Variants in ACAN observed in about 807,000 individuals in gnomAD.
ACAN encodes aggrecan core protein.
Under a neutral mutation model 169.1 loss-of-function variants are expected in ACAN, and 47 were observed. The ratio of observed to expected loss-of-function variants is 0.28; its 90% confidence interval spans 0.22 to 0.35. The LOEUF (loss-of-function observed/expected upper bound fraction) is 0.35, where lower values mean the gene tolerates loss of function less well. Ranked by LOEUF, ACAN falls within the 10% of genes least tolerant of loss-of-function variation. The pLI is 1.00. For synonymous variants in ACAN, 1,115 were observed against 1,112.2 expected, an observed-to-expected ratio of 1.00 and a Z score of -0.05; for missense variants, 2,716 against 2,759.9, an observed-to-expected ratio of 0.98 and a Z score of 0.36.
rs1223951745 is a variant in ACAN, at chr15:88,874,688, C to CCAAAG, written c.*217_*221dup. On this transcript the variant is annotated 3_prime_UTR_variant, in exon 19 of 19. Transcript: ENST00000560601. This position sits in a 1 kb window ranked among gnomAD's most constrained non-coding sequence, Gnocchi z 7.3. The stretch of plus-strand genomic sequence containing the variant: ...CCGCATCTAATTTGTCCGCCGAATG[C>CCAAAG]CAAAGCAAAGCAAACTTATTATAAC... 2 of 664,328 alleles carry CCAAAG rather than the reference C, an allele frequency of 3.0e-6. No individual in the cohort carries two copies. Among genetic ancestry groups the CCAAAG allele is most frequent in the East Asian group, 2.9e-5 (1 of 34,966 alleles). The allele number at this position is 664,328 out of a possible 1,614,324, so 41.2% of individuals were successfully genotyped here.
intron 13 of ACAN, among the ~76,000 whole-genome samples, chr15:88,862,106 A>G (rs1897206125): frequency 6.6e-6 from 1 of 152,242 alleles, no homozygotes; most frequent in Non-Finnish European, 1.5e-5. Flanking sequence ...CCTCTTGAAC[A>G]TAACAACCAG....
intron 7 of ACAN, among the ~76,000 whole-genome samples, 165 bp from the exon 8 acceptor site, chr15:88,847,078 T>C (rs1896808401): frequency 6.6e-6 from 1 of 152,204 alleles, no homozygotes; most frequent in African/African-American, 2.4e-5. Context: ...GACGCTGCCA[T>C]CCACCATCAC....
At position 88,872,584 on chromosome 15, in the gene ACAN, A is replaced by T. The variant is rs553309186; in HGVS notation, c.7303-297A>T. Among the ~76,000 whole-genome samples, 6 of 152,162 alleles carry T rather than the reference A, an allele frequency of 3.9e-5. No homozygotes were observed. The East Asian group carries it at 7.7e-4, about 20-fold the overall frequency. ...GGTCAGCCCTGGTTGGCCCTTCTGG[A>T]TAAGAGGTGTGGAATCAGCTCATGT... is the stretch of plus-strand genomic sequence containing the variant. On this transcript the variant is annotated intron_variant, in intron 16 of 18. Transcript: ENST00000560601. The surrounding 1 kb of genome is among the most constrained non-coding windows in gnomAD (Gnocchi z 5.4).
At chr15:88,853,837 C>A (rs1363536076) in intron 11 of ACAN, among the ~76,000 whole-genome samples, 1 of 129,460 alleles carries the variant, frequency 7.7e-6, no homozygotes, top group Non-Finnish European at 1.6e-5. Context: ...CGGGTCCTGC[C>A]CAGCTAACTT....
At position 88,868,526 on chromosome 15, in the gene ACAN, C is replaced by G. The variant is rs1344844766; in HGVS notation, c.7060+197C>G. The stretch of plus-strand genomic sequence containing the variant: ...TTTTCTTGCTCTCCTCCTTGAAAAC[C>G]CTTTTCTGGAGCACTGGCTGATCTG... On this transcript the variant is annotated intron_variant, in intron 14 of 18. Coordinates refer to ENST00000560601, the MANE Select transcript of ACAN (RefSeq NM_001369268.1). The surrounding 1 kb of genome is among the most constrained non-coding windows in gnomAD (Gnocchi z 5.2). Among the ~76,000 whole-genome samples, 1 of 152,162 alleles carries G rather than the reference C, an allele frequency of 6.6e-6. No homozygotes were observed. Among genetic ancestry groups the G allele is most frequent in the East Asian group, 1.9e-4 (1 of 5,182 alleles).
rs747893607 is a variant in ACAN at position 88,857,246 on chromosome 15, G to A, written c.4661G>A (p.Gly1554Asp). ...AGTGGACTTCCTTCTGGAGGAGAAG[G>A]TCTAGAGACCTCTGCTTCTGAAGTA... ...DLSGLPSGGE[G>D]LETSASEVGT... The change falls in exon 12 of 19, where the codon GGT becomes GAT. Residue 1554 changes from glycine to aspartate, a missense_variant. Gly to Asp is a moderately conservative substitution (Grantham distance 94). This residue lies in a region of ACAN where 1,389 missense variants were observed against 1,363.7 expected (regional missense o/e 1.02). Coordinates refer to ENST00000560601, the MANE Select transcript of ACAN (RefSeq NM_001369268.1). 9 of 1,613,598 alleles carry A rather than the reference G, an allele frequency of 5.6e-6. No individual in the cohort carries two copies. Among genetic ancestry groups the A allele is most frequent in the South Asian group, 1.1e-5 (1 of 91,074 alleles).
intron 1 of ACAN, among the ~76,000 whole-genome samples, chr15:88,835,727 A>C (rs914809614): frequency 2.0e-5 from 3 of 152,238 alleles, no homozygotes; most frequent in Admixed American, 2.0e-4. Flanking sequence ...AGGACAGGTC[A>C]GTCTTTTCTC....
chr15:88,873,988 G>A lies in ACAN; in HGVS notation c.7594G>A (p.Gly2532Arg), dbSNP rs746885216. The A allele has an allele frequency of 9.9e-6, 16 of 1,612,600 alleles. No homozygotes were observed. Among genetic ancestry groups the A allele is most frequent in the East Asian group, 6.7e-5 (3 of 44,874 alleles). ...GCCCACCATCCGGTGCCAGCCCAGCGGGCACTGGGAGGAGCCTCAGATCAC... is the reference window on the plus strand; with the variant it reads ...GCCCACCATCCGGTGCCAGCCCAGCAGGCACTGGGAGGAGCCTCAGATCAC... The part of the protein sequence containing the change: ...HMPTIRCQPS[G>R]HWEEPQITCT... The change falls in exon 18 of 19, where the codon GGG becomes AGG. Residue 2532 changes from glycine (G) to arginine (R), a missense_variant. Gly to Arg is a moderately radical substitution (Grantham distance 125, BLOSUM62 -2). Coordinates refer to ENST00000560601, the MANE Select transcript of ACAN (RefSeq NM_001369268.1). The surrounding 1 kb of genome is among the most constrained non-coding windows in gnomAD (Gnocchi z 7.5).
At chr15:88,834,332 A>C (rs1006948066) in intron 1 of ACAN, among the ~76,000 whole-genome samples, 2 of 152,276 alleles carry the variant, frequency 1.3e-5, no homozygotes, top group Admixed American at 1.3e-4. Flanking sequence ...ACACTCAATC[A>C]ACAGGAAGAA....
At chr15:88,835,279 A>G (rs1896473166) in intron 1 of ACAN, among the ~76,000 whole-genome samples, 1 of 152,142 alleles carries the variant, frequency 6.6e-6, no homozygotes, top group Non-Finnish European at 1.5e-5. Flanking sequence ...CCCAAGTTTC[A>G]TTAGGGATGT....
In ACAN at chr15:88,845,896, C is replaced by T. The variant is rs945195927; in HGVS notation, c.1429+14C>T. ...ATTTGCCAGGGGGTAAGTAGCTGCC[C>T]GTGGGTGCATCCAGGGGCAGGTGGA... On this transcript the variant is annotated intron_variant, in intron 7 of 18. Transcript: ENST00000560601. 9.0e-6 allele frequency: 13 copies of T among 1,443,396 alleles called. No individual in the cohort carries two copies. Among genetic ancestry groups the T allele is most frequent in the Middle Eastern group, 1.9e-4 (1 of 5,162 alleles). The allele number at this position is 1,443,396 out of a possible 1,614,324, so 89.4% of individuals were successfully genotyped here. A position where few individuals can be genotyped will look rare whatever the true frequency, so the allele number is the denominator to read the frequency against.
At position 88,872,801 on chromosome 15, in the gene ACAN, C is replaced by A; in HGVS notation, c.7303-80C>A. The A allele has an allele frequency of 6.7e-7, 1 of 1,499,134 alleles. No individual in the cohort carries two copies. The highest frequency in any genetic ancestry group is 9.1e-7 in the Non-Finnish European group (1 of 1,100,970). The allele number at this position is 1,499,134 out of a possible 1,614,324, so 92.9% of individuals were successfully genotyped here. On this transcript the variant is annotated intron_variant, in intron 16 of 18. Transcript: ENST00000560601. This position sits in a 1 kb window ranked among gnomAD's most constrained non-coding sequence, Gnocchi z 5.4. ...AAAGAGAAAGGAGATGATGAAGAGG[C>A]TCCACGGGGAAGACAGTCGGAGCAG...
intron 1 of ACAN, among the ~76,000 whole-genome samples, chr15:88,812,720 A>C (rs1596111997): frequency 6.6e-6 from 1 of 150,418 alleles, no homozygotes; most frequent in Non-Finnish European, 1.5e-5. Context: ...AAACACCCCC[A>C]CTCCCATCCC....
At position 88,857,005 on chromosome 15, in the gene ACAN, G is replaced by C. The variant is rs770783402; in HGVS notation, c.4420G>C (p.Gly1474Arg). ...GGACCTCAGTGGACTTCCTTCTGGA[G>C]GAGAAGTTCTAGAGATTTCTGTCTC... ...VGDLSGLPSG[G>R]EVLEISVSGV... is the part of the protein sequence containing the mutation. Residue 1474 changes from glycine (G) to arginine (R), a missense_variant, in exon 12 of 19, where the codon GGA becomes CGA. Physicochemically the swap from Gly to Arg is moderately radical, Grantham distance 125 (BLOSUM62 -2). This residue lies in a region of ACAN where 1,389 missense variants were observed against 1,363.7 expected (regional missense o/e 1.02). Transcript: ENST00000560601. 6.2e-7 allele frequency: 1 copy of C among 1,613,364 alleles called. No individual in the cohort carries two copies. The highest frequency in any genetic ancestry group is 1.1e-5 in the South Asian group (1 of 91,070).
chr15:88,847,347 C>T lies in ACAN; in HGVS notation c.1534C>T (p.Gln512Ter). The T allele has an allele frequency of 6.3e-7, 1 of 1,587,188 alleles. No individual in the cohort carries two copies. The highest frequency in any genetic ancestry group is 8.6e-7 in the Non-Finnish European group (1 of 1,167,840). Residue 512 changes from glutamine to a stop codon, truncating the protein, a stop_gained, in exon 8 of 19, where the codon CAG becomes TAG. Coordinates refer to ENST00000560601, the MANE Select transcript of ACAN (RefSeq NM_001369268.1). LOFTEE classifies it high-confidence loss of function. Reference protein sequence around the residue: ...RTGAVIASPEQLQAAYEAGYE... With the variant: ...RTGAVIASPE ...GGGGGCGGTCATTGCCTCGCCGGAGCAGCTCCAGGCCGCCTACGAAGCAGG... is the reference window on the plus strand; with the variant it reads ...GGGGGCGGTCATTGCCTCGCCGGAGTAGCTCCAGGCCGCCTACGAAGCAGG...
At chr15:88,827,309 A>G (rs1353098132) in intron 1 of ACAN, among the ~76,000 whole-genome samples, 1 of 152,252 alleles carries the variant, frequency 6.6e-6, no homozygotes, top group Admixed American at 6.5e-5. Flanking sequence ...TGGGGTGAAT[A>G]GAGGAATGAT....
chr15:88,872,809 G>A lies in ACAN; in HGVS notation c.7303-72G>A. On this transcript the variant is annotated intron_variant, in intron 16 of 18. Transcript: ENST00000560601. This position sits in a 1 kb window ranked among gnomAD's most constrained non-coding sequence, Gnocchi z 5.4. ...AGGAGATGATGAAGAGGCTCCACGG[G>A]GAAGACAGTCGGAGCAGGCCAACCC... 6 of 1,537,718 alleles carry A rather than the reference G, an allele frequency of 3.9e-6. No homozygotes were observed. Among genetic ancestry groups the A allele is most frequent in the Non-Finnish European group, 5.3e-6 (6 of 1,126,298 alleles).
chr15:88,809,736 G>A (rs1895772613), intron 1 of ACAN, among the ~76,000 whole-genome samples: 1 of 152,204 alleles, frequency 6.6e-6, no homozygotes, highest in African/African-American at 2.4e-5. Flanking sequence ...TGCAGATACA[G>A]CAGCTGCACC....
At chr15:88,846,075 G>T (rs1388285342) in intron 7 of ACAN, among the ~76,000 whole-genome samples, 193 bp downstream of exon 7, 1 of 152,232 alleles carries the variant, frequency 6.6e-6, no homozygotes, top group Non-Finnish European at 1.5e-5. Context: ...CCACACTCTT[G>T]CCACCAGGGA....
Sources: gnomAD v4.1 joint callset for allele counts (sites outside exome capture counted in the v4.1 genomes callset) on GRCh38, gnomAD v4.1.1 for gene constraint, gnomAD v4.1.1 regional missense constraint, Gnocchi (gnomAD v3.1) non-coding constraint, MANE v1.5 for transcripts, NCBI Gene and HGNC (gene_info 2026-07-23, HGNC 2026-07-21) for gene names.